SOX6: variants seen among roughly 807,000 people sequenced by gnomAD.
SOX6 encodes the protein SRY-box transcription factor 6.
A neutral mutation model predicts 97.8 loss-of-function variants in SOX6; 11 were observed. The ratio of observed to expected loss-of-function variants is 0.11; its 90% CI spans 0.07 to 0.19. The LOEUF is 0.19. Among genes scored for constraint, SOX6 ranks in the 10% least tolerant of loss-of-function variants. SOX6 has a pLI of 1.00. For synonymous variants in SOX6, 360 were observed against 371.4 expected (o/e 0.97, Z 0.35); for missense variants, 810 against 1,039.5 (o/e 0.78, Z 3.04).
At chr11:16,341,943 T>C (rs1408513367) in intron 1 of SOX6, among the ~76,000 whole-genome samples, 1 of 152,160 alleles carries the variant, frequency 6.6e-6, no homozygotes, top group South Asian at 2.1e-4. Context: ...AGATTAGTTT[T>C]AGGGCAATTT....
intron 15 of SOX6, among the ~76,000 whole-genome samples, chr11:15,978,301 C>A (rs1486869753): frequency 6.6e-6 from 1 of 151,974 alleles, no homozygotes; most frequent in Non-Finnish European, 1.5e-5. Context: ...CCACTTCAAT[C>A]ACTCCCAATA....
At chr11:16,053,553 GT>G (rs992526836) in intron 10 of SOX6, among the ~76,000 whole-genome samples, 4 of 151,984 alleles carry the variant, frequency 2.6e-5, no homozygotes, top group African/African-American at 9.7e-5. Flanking sequence ...ATTAACTCCA[GT>G]TTTTTTCAGA....
intron 4 of SOX6, among the ~76,000 whole-genome samples, chr11:16,497,945 C>A (rs938846304): frequency 1.4e-4 from 22 of 152,288 alleles, no homozygotes; most frequent in African/African-American, 4.6e-4. Context: ...GGCCAACATT[C>A]ACATTCAGGA....
chr11:16,076,319 A>G (rs781223574), intron 9 of SOX6, among the ~76,000 whole-genome samples: 3 of 152,016 alleles, frequency 2.0e-5, no homozygotes, highest in Non-Finnish European at 2.9e-5. Context: ...TAAATAGACA[A>G]CCTATAGAAT....
chr11:16,272,747 C>T (rs900116112), intron 3 of SOX6, among the ~76,000 whole-genome samples: 3 of 151,748 alleles, frequency 2.0e-5, no homozygotes, highest in African/African-American at 2.4e-5. Context: ...TTCCCATATA[C>T]ATTCAAGAGA....
intron 4 of SOX6, among the ~76,000 whole-genome samples, chr11:16,537,514 C>G (rs1809022633): frequency 6.6e-6 from 1 of 151,976 alleles, no homozygotes; most frequent in Non-Finnish European, 1.5e-5. Flanking sequence ...AGGTCGGTAA[C>G]AACAAACTTC....
Position 16,669,240 on chromosome 11 carries a change from T to A in SOX6, n.429+45590A>T, listed in dbSNP as rs1396746408. Reference sequence around the variant, plus strand: ...AAAAGGAAATCAATAACAAGAGGAATCTTGGAAACAATAAAAATACATGGA... The same window carrying A: ...AAAAGGAAATCAATAACAAGAGGAAACTTGGAAACAATAAAAATACATGGA... On this transcript the variant is annotated intron_variant and non_coding_transcript_variant, in intron 3 of 5. Transcript: ENST00000524520. 2.0e-5 allele frequency among the ~76,000 whole-genome samples: 3 copies of A among 152,204 alleles called. No individual in the cohort carries two copies. The South Asian group carries it at 6.2e-4, about 32-fold the overall frequency.
At chr11:16,592,264 A>G (rs1213298092) in intron 4 of SOX6, among the ~76,000 whole-genome samples, 1 of 149,214 alleles carries the variant, frequency 6.7e-6, no homozygotes, top group East Asian at 2.0e-4. Flanking sequence ...TCCAGACTCA[A>G]CCTTACCAGC....
intron 12 of SOX6, among the ~76,000 whole-genome samples, chr11:16,033,728 C>T (rs933023425): frequency 6.6e-5 from 10 of 151,906 alleles, no homozygotes; most frequent in African/African-American, 2.4e-4. Flanking sequence ...AAAAATTAGC[C>T]GGGCATGGTG....
intron 6 of SOX6, among the ~76,000 whole-genome samples, chr11:16,174,627 G>A (rs1851134563): frequency 6.6e-6 from 1 of 151,796 alleles, no homozygotes; most frequent in South Asian, 2.1e-4. Context: ...CTCAAGTCTG[G>A]TATGCATACT....
chr11:16,263,457 T>C (rs1429891317), intron 3 of SOX6, among the ~76,000 whole-genome samples: 1 of 151,994 alleles, frequency 6.6e-6, no homozygotes, highest in African/African-American at 2.4e-5. Flanking sequence ...CAAGGAACTA[T>C]TGTAAGCCAT....
chr11:16,648,625 T>G (rs970969463), intron 3 of SOX6, among the ~76,000 whole-genome samples: 1 of 152,096 alleles, frequency 6.6e-6, no homozygotes. Flanking sequence ...AGGAAGAAGA[T>G]AATACCAATT....
intron 4 of SOX6, among the ~76,000 whole-genome samples, chr11:16,514,299 C>T (rs530728715): frequency 1.3e-5 from 2 of 150,602 alleles, no homozygotes; most frequent in African/African-American, 2.4e-5. Flanking sequence ...TTAGAGACAA[C>T]GGAGGAGTTA....
At chr11:16,452,832 A>G (rs1218704337) in intron 1 of SOX6, among the ~76,000 whole-genome samples, 2 of 152,224 alleles carry the variant, frequency 1.3e-5, no homozygotes, top group African/African-American at 2.4e-5. Context: ...AGATGTGCAC[A>G]TCAAATAAAA....
chr11:16,729,773 C>T (rs560271382), intron 2 of SOX6, among the ~76,000 whole-genome samples: 18 of 152,068 alleles, frequency 1.2e-4, no homozygotes, highest in South Asian at 6.2e-4. Context: ...TTAAAAGACA[C>T]AGACTGGCAA....
At chr11:16,609,667 C>T (rs1165674663) in intron 4 of SOX6, among the ~76,000 whole-genome samples, 1 of 152,184 alleles carries the variant, frequency 6.6e-6, no homozygotes, top group Non-Finnish European at 1.5e-5. Flanking sequence ...CGATCATATA[C>T]TGCCTTTTTA....
chr11:16,642,977 G>T (rs900028835), intron 3 of SOX6, among the ~76,000 whole-genome samples: 4 of 152,214 alleles, frequency 2.6e-5, no homozygotes, highest in Non-Finnish European at 5.9e-5. Context: ...TCCTTTGGAG[G>T]AGAAGAGGTG....
chr11:16,288,472 A>T (rs1275327433), intron 3 of SOX6, among the ~76,000 whole-genome samples: 4 of 152,104 alleles, frequency 2.6e-5, no homozygotes, highest in African/African-American at 9.6e-5. Context: ...AAAAAGCAGT[A>T]TCAGAAGTAG....
At chr11:16,360,554 T>C (rs775059668), upstream of SOX6, among the ~76,000 whole-genome samples, 27 of 152,210 alleles carry the variant, frequency 1.8e-4, no homozygotes, top group Non-Finnish European at 3.7e-4. Flanking sequence ...TCAGGCAAGA[T>C]GTACTGCCCA....
Sources: allele counts gnomAD v4.1 joint callset (sites outside exome capture counted in the v4.1 genomes callset), GRCh38; gene constraint gnomAD v4.1.1; transcripts MANE v1.5; gene names NCBI Gene and HGNC (gene_info 2026-07-23, HGNC 2026-07-21).